Variants in GADL1 observed in about 807,000 individuals in gnomAD.
GADL1 encodes the protein acidic amino acid decarboxylase GADL1.
GADL1 carries 71 observed loss-of-function variants against 69.5 expected under a neutral mutation model. The observed-to-expected ratio is 1.02, with a 90% CI of 0.84 to 1.25. GADL1 has a LOEUF of 1.25. Ranked by LOEUF, GADL1 falls within the 50% of genes most tolerant of loss-of-function variation. GADL1 has a pLI of 0.00. For missense variants in GADL1, 737 were observed against 631.8 expected, an observed-to-expected ratio of 1.17 and a Z score of -1.79; for synonymous variants, 254 against 214.4, an observed-to-expected ratio of 1.18 and a Z score of -1.62.
At chr3:30,764,668 TTC>T (rs570718136) in intron 14 of GADL1, among the ~76,000 whole-genome samples, 68 of 152,338 alleles carry the variant, frequency 4.5e-4, no homozygotes, top group Middle Eastern at 3.4e-3. Flanking sequence ...CCCATGTGAA[TTC>T]TCTGATCATC....
In GADL1 at chr3:30,834,494, A is replaced by G. The variant is rs75391811; in HGVS notation, c.904-213T>C. Among the ~76,000 whole-genome samples, 1,495 of 152,182 alleles carry G rather than the reference A, an allele frequency of 9.8e-3. 89 individuals are homozygous for G. In the East Asian group the frequency reaches 0.2, roughly 21 times the overall value. On this transcript the variant is annotated intron_variant, in intron 9 of 14. Coordinates refer to ENST00000282538, the MANE Select transcript of GADL1 (RefSeq NM_207359.3). ...AATAGATGGGCCCTCACTGACCCTT[A>G]GAATTATAAATTCATGCATCATAAA...
chr3:30,728,816 A>G (rs1378305839), intron 14 of GADL1, among the ~76,000 whole-genome samples: 1 of 152,122 alleles, frequency 6.6e-6, no homozygotes, highest in Non-Finnish European at 1.5e-5. Context: ...CTCATTCTCA[A>G]ATTTGTCTTA....
intron 14 of GADL1, among the ~76,000 whole-genome samples, chr3:30,774,701 CTG>C (rs1400621575): frequency 7.2e-5 from 11 of 152,054 alleles, no homozygotes; most frequent in African/African-American, 2.2e-4. Context: ...TTTTACAAAA[CTG>C]TATAGGGAGG....
chr3:30,863,800 T>G (rs914506258), intron 1 of GADL1, among the ~76,000 whole-genome samples: 1 of 134,624 alleles, frequency 7.4e-6, no homozygotes, highest in African/African-American at 2.6e-5. Context: ...TTTCTTAGAC[T>G]CCACCTTCTC....
rs1039707993 is a variant in GADL1, at chr3:30,768,039, C to G, written c.1392+10140G>C. Among the ~76,000 whole-genome samples the G allele has an allele frequency of 4.4e-4, 6 of 13,704 alleles. No individual in the cohort carries two copies. In the South Asian group the frequency reaches 0.014, roughly 31 times the overall value. 9.0% of individuals were successfully genotyped at this position (13,704 alleles called of 152,430 possible). On this transcript the variant is annotated intron_variant, in intron 14 of 14. Transcript: ENST00000282538. The stretch of plus-strand genomic sequence containing the variant: ...ACCTTCTAAATAACTCCCCATACCC[C>G]CCCCCCCCTTATCCTTATAACACCC...
intron 11 of GADL1, among the ~76,000 whole-genome samples, chr3:30,817,914 G>A (rs1174952001): frequency 2.0e-5 from 3 of 152,204 alleles, no homozygotes; most frequent in African/African-American, 7.2e-5. Flanking sequence ...GAGAAGTGGT[G>A]AACTTCTTTC....
chr3:30,825,970 A>G lies in GADL1; in HGVS notation c.1050+7883T>C, dbSNP rs1697675137. ...TGTTGCCGTGAGTTAATAATAAAAT[A>G]AAAGGCAAAAAAGGCAGATACTTGG... On this transcript the variant is annotated intron_variant, in intron 11 of 14. Coordinates refer to ENST00000282538, the MANE Select transcript of GADL1 (RefSeq NM_207359.3). 2.6e-5 allele frequency among the ~76,000 whole-genome samples: 4 copies of G among 152,072 alleles called. No homozygotes were observed. In the South Asian group the frequency reaches 8.3e-4, roughly 32 times the overall value.
intron 14 of GADL1, among the ~76,000 whole-genome samples, chr3:30,765,002 G>A (rs1042782475): frequency 2.6e-5 from 4 of 151,802 alleles, no homozygotes; most frequent in African/African-American, 9.7e-5. Context: ...TGACAATGCA[G>A]GTTTAGCCAT....
chr3:30,754,510 G>A (rs781145870), intron 14 of GADL1, among the ~76,000 whole-genome samples: 15 of 152,086 alleles, frequency 9.9e-5, no homozygotes, highest in Admixed American at 2.6e-4. Flanking sequence ...GGAGCATCAA[G>A]AATATGGAGT....
At chr3:30,751,129 G>A (rs1392326792) in intron 14 of GADL1, among the ~76,000 whole-genome samples, 3 of 152,024 alleles carry the variant, frequency 2.0e-5, no homozygotes, top group Non-Finnish European at 4.4e-5. Flanking sequence ...GCAGCTTACG[G>A]GCCATATCCT....
At chr3:30,813,813 C>G (rs1575217323) in intron 11 of GADL1, among the ~76,000 whole-genome samples, 1 of 152,200 alleles carries the variant, frequency 6.6e-6, no homozygotes, top group Non-Finnish European at 1.5e-5. Context: ...TAAAACTATC[C>G]TTAAATAGCA....
At chr3:30,872,283 C>T (rs1435584225) in intron 1 of GADL1, among the ~76,000 whole-genome samples, 1 of 151,894 alleles carries the variant, frequency 6.6e-6, no homozygotes, top group Non-Finnish European at 1.5e-5. Flanking sequence ...TTAGTGGTAG[C>T]TACTGCACCA....
At chr3:30,812,048 TAACATA>T (rs2125513005) in intron 11 of GADL1, among the ~76,000 whole-genome samples, 1 of 152,324 alleles carries the variant, frequency 6.6e-6, no homozygotes, top group South Asian at 2.1e-4. Flanking sequence ...GTTTTTCTGA[TAACATA>T]AACCAGGGTG....
chr3:30,893,620 TAGTACA>T (rs1698814879), intron 1 of GADL1, among the ~76,000 whole-genome samples: 1 of 152,172 alleles, frequency 6.6e-6, no homozygotes, highest in African/African-American at 2.4e-5. Flanking sequence ...ATAATAATGA[TAGTACA>T]AGTTTTAAAG....
chr3:30,859,861 C>T (rs1157298096), intron 2 of GADL1, among the ~76,000 whole-genome samples: 1 of 151,888 alleles, frequency 6.6e-6, no homozygotes. Flanking sequence ...AATCCAACTT[C>T]CCGTGGGTAG....
At chr3:30,869,921 G>C (rs1225607966) in intron 1 of GADL1, among the ~76,000 whole-genome samples, 1 of 151,862 alleles carries the variant, frequency 6.6e-6, no homozygotes, top group African/African-American at 2.4e-5. Context: ...CATAAAGTTT[G>C]ATAGGTGAAG....
chr3:30,774,377 T>C (rs1696487173), intron 14 of GADL1, among the ~76,000 whole-genome samples: 1 of 152,170 alleles, frequency 6.6e-6, no homozygotes, highest in African/African-American at 2.4e-5. Flanking sequence ...ATGCCAAATA[T>C]TTTGTGGCCA....
chr3:30,800,595 C>A (rs558346503), intron 12 of GADL1: 15 of 401,226 alleles, frequency 3.7e-5, no homozygotes, highest in African/African-American at 3.0e-4. Flanking sequence ...GGACTCTATA[C>A]CTCACCTTGC....
In GADL1 at chr3:30,861,648, G is replaced by T. The variant is rs767395909; in HGVS notation, c.155C>A (p.Ala52Asp). 4.5e-6 allele frequency: 7 copies of T among 1,550,140 alleles called. No homozygotes were observed. Among genetic ancestry groups the T allele is most frequent in the South Asian group, 1.2e-5 (1 of 83,976 alleles). The change falls in exon 2 of 15, where the codon GCC becomes GAC. Residue 52 changes from alanine (A) to aspartate (D), a missense_variant. Physicochemically the swap from Ala to Asp is moderately radical, Grantham distance 126. Coordinates refer to ENST00000282538, the MANE Select transcript of GADL1 (RefSeq NM_207359.3). Reference protein sequence around the residue: ...AKAGEKFVEEACRLIMEEVVL... With the variant: ...AKAGEKFVEEDCRLIMEEVVL... ...CACCTCTTCCATTATTAGCCTACAG[G>T]CCTCTTCAACAAATTTTTCTCCAGC...
Sources: allele counts gnomAD v4.1 joint callset (sites outside exome capture counted in the v4.1 genomes callset), GRCh38; gene constraint gnomAD v4.1.1; transcripts MANE v1.5; gene names NCBI Gene and HGNC (gene_info 2026-07-23, HGNC 2026-07-21).